ZDHHC20: variants seen among roughly 807,000 people sequenced by gnomAD.
The protein encoded by ZDHHC20 is zDHHC palmitoyltransferase 20, also known as palmitoyltransferase ZDHHC20.
ZDHHC20 carries 43 observed loss-of-function variants against 57.8 expected under a neutral mutation model. That is an observed-to-expected ratio of 0.74 (90% CI 0.58 to 0.96). The LOEUF (loss-of-function observed/expected upper bound fraction) is 0.96. Ranked by LOEUF, ZDHHC20 falls within the 40% of genes least tolerant of loss-of-function variation. The probability of loss-of-function intolerance (pLI) is 0.00; values close to 1 mark genes in which losing one functional copy is unlikely to be tolerated. For synonymous variants in ZDHHC20, 157 were observed against 153.0 expected (o/e 1.03, Z -0.19); for missense variants, 391 against 441.1 (o/e 0.89, Z 1.02).
chr13:21,377,199 CCGACG>C, intron 12 of ZDHHC20: 1 of 177,524 alleles, frequency 5.6e-6, no homozygotes, highest in African/African-American at 2.5e-5. Flanking sequence ...CGCACTCGGC[CCGACG>C]TGACCTCCAC....
At chr13:21,454,482 A>C (rs1303933243) in intron 1 of ZDHHC20, among the ~76,000 whole-genome samples, 1 of 152,254 alleles carries the variant, frequency 6.6e-6, no homozygotes, top group Non-Finnish European at 1.5e-5. Context: ...AATTGATAGA[A>C]TAAAACTAAA....
intron 8 of ZDHHC20, among the ~76,000 whole-genome samples, chr13:21,390,726 C>T (rs1875540583): frequency 6.6e-6 from 1 of 151,866 alleles, no homozygotes; most frequent in African/African-American, 2.4e-5. Context: ...GTAGCAAGAC[C>T]CCATCTCCAT....
rs1265725762 is a variant in ZDHHC20 at position 21,374,194 on chromosome 13, C to G, written c.*2502G>C. ...TATCTCCTTATAATATGCAAACTGC[C>G]AAACTGGAGTTATGTTTTTAGTTGG... is the stretch of plus-strand genomic sequence containing the variant. On this transcript the variant is annotated 3_prime_UTR_variant, in exon 13 of 13. Transcript: ENST00000400590. The G allele has an allele frequency of 5.5e-6, 1 of 182,938 alleles. No homozygotes were observed. The highest frequency in any genetic ancestry group is 1.2e-5 in the Non-Finnish European group (1 of 83,548). The allele number at this position is 182,938 out of a possible 1,614,324, so 11.3% of individuals were successfully genotyped here. A position where few individuals can be genotyped will look rare whatever the true frequency, so the allele number is the denominator to read the frequency against.
intron 3 of ZDHHC20, among the ~76,000 whole-genome samples, chr13:21,419,157 A>AATTTC (rs1475047878): frequency 6.6e-6 from 1 of 152,238 alleles, no homozygotes; most frequent in Non-Finnish European, 1.5e-5. Context: ...CAAGATTAAG[A>AATTTC]AATGGATAGT....
chr13:21,378,811 G>C (rs1872721819), intron 11 of ZDHHC20, 73 bp from the exon 12 acceptor site: 1 of 836,800 alleles, frequency 1.2e-6, no homozygotes, highest in Non-Finnish European at 1.7e-6. Flanking sequence ...TGGCTAAATG[G>C]TAAAATGACA....
chr13:21,435,521 GA>G (rs1447139508), intron 1 of ZDHHC20, among the ~76,000 whole-genome samples: 1 of 152,102 alleles, frequency 6.6e-6, no homozygotes, highest in Non-Finnish European at 1.5e-5. Context: ...GGGACAAATT[GA>G]ACAATAAAAT....
At chr13:21,414,263 G>A (rs999258991) in intron 3 of ZDHHC20, among the ~76,000 whole-genome samples, 4 of 144,516 alleles carry the variant, frequency 2.8e-5, no homozygotes, top group South Asian at 2.2e-4. Context: ...TTTAGCTTTC[G>A]AAAAGTTAAC....
At chr13:21,398,928 C>G (rs1025541268) in intron 7 of ZDHHC20, among the ~76,000 whole-genome samples, 8 of 152,090 alleles carry the variant, frequency 5.3e-5, no homozygotes, top group Admixed American at 2.0e-4. Context: ...AAAGAACCAA[C>G]AGTGAGACAG....
intron 4 of ZDHHC20, chr13:21,404,312 GCTC>G (rs1249711039): frequency 2.0e-6 from 1 of 502,422 alleles, no homozygotes; most frequent in Non-Finnish European, 4.0e-6. Context: ...GCTCATTGGA[GCTC>G]CTTTCTATTT....
intron 4 of ZDHHC20, among the ~76,000 whole-genome samples, chr13:21,410,014 G>T (rs1037682987): frequency 1.3e-5 from 2 of 152,172 alleles, no homozygotes; most frequent in Non-Finnish European, 2.9e-5. Context: ...CCTCATCTTC[G>T]TGGATTTATC....
chr13:21,382,940 G>A lies in ZDHHC20; in HGVS notation c.924C>T (p.Asn308=). 1.9e-6 allele frequency: 3 copies of A among 1,561,706 alleles called. No individual in the cohort carries two copies. The highest frequency in any genetic ancestry group is 2.6e-6 in the Non-Finnish European group (3 of 1,152,022). The change falls in exon 10 of 13, where the codon AAC becomes AAT. Residue 308 remains asparagine, a synonymous_variant. Coordinates refer to ENST00000400590, the MANE Select transcript of ZDHHC20 (RefSeq NM_001330059.2). ...CATACCTTCTGGCATACTCATTCTGGTTTGTAACAGAAGCTTGTTCTGGAT... is the reference window on the plus strand; with the variant it reads ...CATACCTTCTGGCATACTCATTCTGATTTGTAACAGAAGCTTGTTCTGGAT... ...GMDPEQASVT[N]QNEYARSSGS... is the part of the protein sequence containing the mutation.
chr13:21,450,573 G>A (rs942852291), intron 1 of ZDHHC20, among the ~76,000 whole-genome samples: 13 of 152,100 alleles, frequency 8.5e-5, no homozygotes, highest in African/African-American at 3.1e-4. Context: ...CTCACTAGTA[G>A]TCATGAGAAA....
intron 4 of ZDHHC20, among the ~76,000 whole-genome samples, chr13:21,409,536 T>C (rs1275113496): frequency 6.6e-6 from 1 of 152,214 alleles, no homozygotes; most frequent in Non-Finnish European, 1.5e-5. Flanking sequence ...GTCTATTTTG[T>C]TAATCTTTTT....
chr13:21,408,287 T>C (rs1878732977), intron 4 of ZDHHC20, among the ~76,000 whole-genome samples: 2 of 152,228 alleles, frequency 1.3e-5, no homozygotes, highest in Admixed American at 6.5e-5. Context: ...GTGTCCTCTT[T>C]TATTTCCTTG....
At position 21,387,649 on chromosome 13, in the gene ZDHHC20, T is replaced by G. The variant is rs1874807256; in HGVS notation, c.728-15A>C. The G allele has an allele frequency of 2.2e-6, 3 of 1,391,934 alleles. No individual in the cohort carries two copies. In the East Asian group the frequency reaches 8.5e-5, roughly 40 times the overall value. 86.2% of individuals were successfully genotyped at this position (1,391,934 alleles called of 1,614,324 possible). A position where few individuals can be genotyped will look rare whatever the true frequency, so the allele number is the denominator to read the frequency against. ...GCGGAATGATTCTGTTAAATATACA[T>G]ACATATATAAACTAATTAATCTATT... On this transcript the variant is annotated splice_polypyrimidine_tract_variant and intron_variant, in intron 8 of 12. Coordinates refer to ENST00000400590, the MANE Select transcript of ZDHHC20 (RefSeq NM_001330059.2).
At chr13:21,429,226 A>T (rs992392428) in intron 1 of ZDHHC20, among the ~76,000 whole-genome samples, 1 of 152,106 alleles carries the variant, frequency 6.6e-6, no homozygotes, top group Admixed American at 6.5e-5. Flanking sequence ...CTGGGAAAAA[A>T]TTTTTTTGCC....
At position 21,391,838 on chromosome 13, in the gene ZDHHC20, G is replaced by A. The variant is rs988851373; in HGVS notation, c.611C>T (p.Thr204Ile). ...IKFWTNELTD[T>I]RAKFHVLFLF... ...AAAAAGTACGTGGAATTTTGCACGT[G>A]TATCTGTCAGTTCATTCTGAGGAAA... Residue 204 changes from threonine to isoleucine, a missense_variant, in exon 8 of 13, where the codon ACA becomes ATA. By Grantham distance (89) the Thr-to-Ile change is moderately conservative (BLOSUM62 -1). Coordinates refer to ENST00000400590, the MANE Select transcript of ZDHHC20 (RefSeq NM_001330059.2). 7 of 1,611,058 alleles carry A rather than the reference G, an allele frequency of 4.3e-6. No homozygotes were observed. The African/African-American group carries it at 8.0e-5, about 18-fold the overall frequency.
chr13:21,387,700 T>G (rs1874822588), intron 8 of ZDHHC20, 66 bp from the exon 9 acceptor site: 1 of 1,062,548 alleles, frequency 9.4e-7, no homozygotes, highest in Admixed American at 4.1e-5. Flanking sequence ...GGATGGAAAT[T>G]ACCAATTTTC....
At chr13:21,426,705 A>G (rs550831713) in intron 1 of ZDHHC20, among the ~76,000 whole-genome samples, 1 of 150,426 alleles carries the variant, frequency 6.6e-6, no homozygotes, top group Admixed American at 6.7e-5. Flanking sequence ...TCCCAGGTTC[A>G]AGTGATTCTC....
Sources: allele counts gnomAD v4.1 joint callset (sites outside exome capture counted in the v4.1 genomes callset), GRCh38; gene constraint gnomAD v4.1.1; transcripts MANE v1.5; gene names NCBI Gene and HGNC (gene_info 2026-07-23, HGNC 2026-07-21).